MAP2K6: variants seen among roughly 807,000 people sequenced by gnomAD.
MAP2K6 encodes dual specificity mitogen-activated protein kinase kinase 6.
In MAP2K6, 16 loss-of-function variants were observed where a neutral mutation model predicts 53.7. That is an observed-to-expected ratio of 0.30 (90% CI 0.20 to 0.45). The LOEUF (loss-of-function observed/expected upper bound fraction) is 0.45, where lower values mean the gene tolerates loss of function less well. Ranked by LOEUF, MAP2K6 falls within the 20% of genes least tolerant of loss-of-function variation. The pLI, the probability that MAP2K6 is intolerant of heterozygous loss-of-function variation, is 1.00. For missense variants in MAP2K6, 204 were observed against 411.9 expected, an observed-to-expected ratio of 0.50 and a Z score of 4.37; for synonymous variants, 132 against 143.1, an observed-to-expected ratio of 0.92 and a Z score of 0.55.
chr17:69,467,237 T>C (rs1240103533), intron 1 of MAP2K6, among the ~76,000 whole-genome samples: 3 of 152,232 alleles, frequency 2.0e-5, no homozygotes, highest in African/African-American at 7.2e-5. Flanking sequence ...AGGTACCATA[T>C]ATGAATAGGT....
At chr17:69,463,402 T>C (rs933721224) in intron 1 of MAP2K6, among the ~76,000 whole-genome samples, 1 of 149,424 alleles carries the variant, frequency 6.7e-6, no homozygotes, top group Non-Finnish European at 1.5e-5. Flanking sequence ...TAATTATATG[T>C]ATATATATCA....
intron 1 of MAP2K6, among the ~76,000 whole-genome samples, chr17:69,441,100 A>G (rs1906802958): frequency 6.6e-6 from 1 of 152,174 alleles, no homozygotes; most frequent in Non-Finnish European, 1.5e-5. Flanking sequence ...ATGGCATTAT[A>G]CTTTTATGGG....
At chr17:69,468,239 A>T (rs1012572577) in intron 1 of MAP2K6, among the ~76,000 whole-genome samples, 7 of 152,108 alleles carry the variant, frequency 4.6e-5, no homozygotes, top group African/African-American at 1.7e-4. Flanking sequence ...CTCTACCATC[A>T]CTAATCCAAT....
intron 2 of MAP2K6, among the ~76,000 whole-genome samples, chr17:69,506,727 G>A (rs764855907): frequency 9.9e-5 from 15 of 152,206 alleles, no homozygotes; most frequent in Non-Finnish European, 2.2e-4. Context: ...GATCATGTCT[G>A]CTGTAAGACT....
At chr17:69,474,109 T>G (rs540249864) in intron 1 of MAP2K6, among the ~76,000 whole-genome samples, 1 of 152,266 alleles carries the variant, frequency 6.6e-6, no homozygotes, top group Non-Finnish European at 1.5e-5. Context: ...GTGATGTTAA[T>G]GTGAAGAGCT....
At position 69,458,081 on chromosome 17, in the gene MAP2K6, T is replaced by G. The variant is rs529539780; in HGVS notation, c.16+43081T>G. Among the ~76,000 whole-genome samples, 565 of 152,268 alleles carry G rather than the reference T, an allele frequency of 3.7e-3. 2 individuals are homozygous for G. Among genetic ancestry groups the G allele is most frequent in the African/African-American group, 0.012 (511 of 41,554 alleles). On this transcript the variant is annotated intron_variant, in intron 1 of 11. Coordinates refer to ENST00000590474, the MANE Select transcript of MAP2K6 (RefSeq NM_002758.4). The stretch of plus-strand genomic sequence containing the variant: ...TTTCATTTTTTTCTTGGAGGCAGAA[T>G]CTTGCTCTGTCGCCCAGGCTGGAGT...
chr17:69,449,775 G>A lies in MAP2K6; in HGVS notation c.16+34775G>A, dbSNP rs1391901161. On this transcript the variant is annotated intron_variant, in intron 1 of 11. Transcript: ENST00000590474. ...ACTACAGGCGCCCGCCACCTCGCCC[G>A]GCTAATTTTTTGTATTTTTAGTAGA... is the stretch of plus-strand genomic sequence containing the variant. Among the ~76,000 whole-genome samples, 26 of 150,078 alleles carry A rather than the reference G, an allele frequency of 1.7e-4. 1 individual carries two copies. The South Asian group carries it at 4.6e-3, about 27-fold the overall frequency.
intron 1 of MAP2K6, among the ~76,000 whole-genome samples, chr17:69,467,777 G>A (rs935560773): frequency 4.6e-5 from 7 of 151,428 alleles, no homozygotes; most frequent in South Asian, 2.1e-4. Flanking sequence ...TCTTAGTTTC[G>A]TGTTTTTTTT....
intron 1 of MAP2K6, among the ~76,000 whole-genome samples, chr17:69,456,870 T>A (rs901438267): frequency 1.3e-5 from 2 of 152,138 alleles, no homozygotes; most frequent in African/African-American, 4.8e-5. Flanking sequence ...AACACATCTG[T>A]CCCCACGCTT....
intron 1 of MAP2K6, among the ~76,000 whole-genome samples, chr17:69,459,547 A>T (rs1416976070): frequency 6.6e-6 from 1 of 151,914 alleles, no homozygotes; most frequent in Non-Finnish European, 1.5e-5. Flanking sequence ...CCCTGTCTCA[A>T]CTAAAGATAC....
intron 10 of MAP2K6, among the ~76,000 whole-genome samples, chr17:69,535,852 A>G (rs1465695090): frequency 2.0e-5 from 3 of 150,898 alleles, no homozygotes; most frequent in Admixed American, 6.6e-5. Context: ...TAGTGTGCAT[A>G]TCATCGGTAA....
At chr17:69,513,767 G>T (rs1006531160) in intron 2 of MAP2K6, among the ~76,000 whole-genome samples, 1 of 152,040 alleles carries the variant, frequency 6.6e-6, no homozygotes, top group Non-Finnish European at 1.5e-5. Context: ...TAACCTCATT[G>T]GATGGCAAAA....
At chr17:69,451,652 A>G (rs557997149) in intron 1 of MAP2K6, among the ~76,000 whole-genome samples, 16 of 152,254 alleles carry the variant, frequency 1.1e-4, no homozygotes, top group African/African-American at 2.6e-4. Flanking sequence ...TGAATGAGGA[A>G]CCAGCTGTAA....
rs1011036782 is a variant in MAP2K6, at chr17:69,432,811, A to T, written c.16+17811A>T. 1.6e-4 allele frequency among the ~76,000 whole-genome samples: 4 copies of T among 25,484 alleles called. No homozygotes were observed. The African/African-American group carries it at 1.9e-3, about 12-fold the overall frequency. 16.7% of individuals were successfully genotyped at this position (25,484 alleles called of 152,430 possible). On this transcript the variant is annotated intron_variant, in intron 1 of 11. Coordinates refer to ENST00000590474, the MANE Select transcript of MAP2K6 (RefSeq NM_002758.4). ...CACATGTATCCTGGAACCTAAAATT[A>T]AAAAAAAAAAAAAAAAGGATCTTGG...
At chr17:69,530,067 G>A (rs1403397618) in intron 10 of MAP2K6, among the ~76,000 whole-genome samples, 1 of 152,068 alleles carries the variant, frequency 6.6e-6, no homozygotes, top group African/African-American at 2.4e-5. Context: ...TATTAATACT[G>A]TTTGCTCGGT....
intron 1 of MAP2K6, among the ~76,000 whole-genome samples, chr17:69,500,389 G>A (rs909275547): frequency 3.4e-5 from 5 of 145,532 alleles, no homozygotes; most frequent in Non-Finnish European, 6.0e-5. Flanking sequence ...CAGAGGTTTC[G>A]GTGAGCCTAG....
In MAP2K6 at chr17:69,543,836, T is replaced by C. The variant is rs1911769245; in HGVS notation, c.*2083T>C. The C allele has an allele frequency of 6.6e-6, 1 of 152,196 alleles. No individual in the cohort carries two copies. The highest frequency in any genetic ancestry group is 1.5e-5 in the Non-Finnish European group (1 of 68,040). 9.4% of individuals were successfully genotyped at this position (152,196 alleles called of 1,614,324 possible). A position where few individuals can be genotyped will look rare whatever the true frequency, so the allele number is the denominator to read the frequency against. On this transcript the variant is annotated 3_prime_UTR_variant, in exon 12 of 12. Coordinates refer to ENST00000590474, the MANE Select transcript of MAP2K6 (RefSeq NM_002758.4). ...TGTATGCCTCTCCCATCTGTGAACC[T>C]AGGCCAAAGTTGCAAAAACAATCAT...
chr17:69,518,289 G>T (rs1910281084), intron 4 of MAP2K6, among the ~76,000 whole-genome samples: 1 of 152,076 alleles, frequency 6.6e-6, no homozygotes. Context: ...GTGTGTGTTT[G>T]TTTTGTCCTG....
chr17:69,462,989 G>A (rs1202754870), intron 1 of MAP2K6, among the ~76,000 whole-genome samples: 1 of 144,902 alleles, frequency 6.9e-6, no homozygotes, highest in Admixed American at 7.1e-5. Context: ...TGGGCAGCAC[G>A]CAGGGTGCTT....
Sources: allele counts gnomAD v4.1 joint callset (sites outside exome capture counted in the v4.1 genomes callset), GRCh38; gene constraint gnomAD v4.1.1; transcripts MANE v1.5; gene names NCBI Gene and HGNC (gene_info 2026-07-23, HGNC 2026-07-21).